LPCAT3: variants seen among roughly 807,000 people sequenced by gnomAD.
LPCAT3 encodes lysophosphatidylcholine acyltransferase 3.
In LPCAT3, 21 loss-of-function variants were observed where a neutral mutation model predicts 63.4. That is an observed-to-expected ratio of 0.33 (90% CI 0.23 to 0.48). LPCAT3 has a LOEUF of 0.48. Among genes scored for constraint, LPCAT3 ranks in the 20% least tolerant of loss-of-function variants. The pLI is 0.99. For synonymous variants in LPCAT3, 242 were observed against 227.5 expected (o/e 1.06, Z -0.58); for missense variants, 451 against 590.6 (o/e 0.76, Z 2.45).
At chr12:7,000,389 C>T (rs1367145019) in intron 1 of LPCAT3, among the ~76,000 whole-genome samples, 1 of 150,306 alleles carries the variant, frequency 6.7e-6, no homozygotes, top group Non-Finnish European at 1.5e-5. Context: ...AGATCGAGAC[C>T]ATCCTGGCTA....
chr12:7,012,454 C>T (rs1318028758), intron 1 of LPCAT3, among the ~76,000 whole-genome samples: 5 of 152,168 alleles, frequency 3.3e-5, no homozygotes, highest in South Asian at 4.1e-4. Flanking sequence ...AATTACCTCA[C>T]GGGTAACTGG....
Position 6,978,701 on chromosome 12 carries a change from A to G in LPCAT3, c.787-12T>C, listed in dbSNP as rs782523150. The G allele has an allele frequency of 1.2e-6, 2 of 1,614,062 alleles. No individual in the cohort carries two copies. The highest frequency in any genetic ancestry group is 2.2e-5 in the South Asian group (2 of 91,054). On this transcript the variant is annotated splice_polypyrimidine_tract_variant and intron_variant, in intron 7 of 12. Transcript: ENST00000261407. ...CAGAAGGGGTGGTTCTTGAGGGAAG[A>G]AAGCACAGTGCATTAGGGATATCAC...
At chr12:7,014,821 A>G (rs1206765767) in intron 1 of LPCAT3, among the ~76,000 whole-genome samples, 2 of 143,682 alleles carry the variant, frequency 1.4e-5, no homozygotes, top group African/African-American at 5.2e-5. Flanking sequence ...TGAACCTGGG[A>G]GGCGGAGGTT....
chr12:7,002,907 G>A (rs1290191921), intron 1 of LPCAT3, among the ~76,000 whole-genome samples: 1 of 152,170 alleles, frequency 6.6e-6, no homozygotes, highest in Non-Finnish European at 1.5e-5. Flanking sequence ...TGCTCAGGAG[G>A]CTGAGGCAGG....
chr12:6,982,473 A>C (rs1236044733), intron 3 of LPCAT3, among the ~76,000 whole-genome samples: 1 of 152,212 alleles, frequency 6.6e-6, no homozygotes, highest in Non-Finnish European at 1.5e-5. Flanking sequence ...CCCTTCCTTG[A>C]GGCAGGCAAA....
Position 6,977,870 on chromosome 12 carries a change from G to T in LPCAT3, c.1041-125C>A. On this transcript the variant is annotated intron_variant, in intron 9 of 12. Transcript: ENST00000261407. The surrounding 1 kb of genome is among the most constrained non-coding windows in gnomAD (Gnocchi z 4.5). ...GGTGGGTTCCCACGTGTAGCCCCCA[G>T]AGGGTACAGGAGGCAGTGCTGACTG... 9.3e-7 allele frequency: 1 copy of T among 1,075,080 alleles called. No homozygotes were observed. Among genetic ancestry groups the T allele is most frequent in the Non-Finnish European group, 1.4e-6 (1 of 725,502 alleles). 66.6% of individuals were successfully genotyped at this position (1,075,080 alleles called of 1,614,324 possible). A position where few individuals can be genotyped will look rare whatever the true frequency, so the allele number is the denominator to read the frequency against.
In LPCAT3 at chr12:7,017,384, C is replaced by G. The variant is rs187135239; in HGVS notation, c.151+890G>C. Among the ~76,000 whole-genome samples, 194 of 152,162 alleles carry G rather than the reference C, an allele frequency of 1.3e-3. No homozygotes were observed. Among genetic ancestry groups the G allele is most frequent in the African/African-American group, 4.5e-3 (187 of 41,506 alleles). On this transcript the variant is annotated intron_variant, in intron 1 of 12. Coordinates refer to ENST00000261407, the MANE Select transcript of LPCAT3 (RefSeq NM_005768.6). This position sits in a 1 kb window ranked among gnomAD's most constrained non-coding sequence, Gnocchi z 4.1. The stretch of plus-strand genomic sequence containing the variant: ...CATTTCATAGATAAGGAAATTAGGC[C>G]CAGAGGGTTTTGCGGCCTGCGTAGG...
intron 1 of LPCAT3, among the ~76,000 whole-genome samples, chr12:7,000,569 C>CA (rs1394867760): frequency 5.2e-5 from 5 of 95,782 alleles, no homozygotes; most frequent in Non-Finnish European, 9.4e-5. Context: ...GCCTGGGAGA[C>CA]AGAGTGAGAC....
At chr12:7,002,163 C>T (rs905438347) in intron 1 of LPCAT3, among the ~76,000 whole-genome samples, 1 of 152,152 alleles carries the variant, frequency 6.6e-6, no homozygotes, top group Non-Finnish European at 1.5e-5. Context: ...TCTCAGGCGT[C>T]CGATTCCTTC....
intron 1 of LPCAT3, among the ~76,000 whole-genome samples, chr12:7,003,790 C>T (rs187823786): frequency 0.032 from 4,926 of 151,808 alleles, 278 homozygotes; most frequent in African/African-American, 0.11. Context: ...GGCGCGGTGG[C>T]GGGCGCCTGT....
rs781388658 is a variant in LPCAT3, at chr12:6,976,605, C to T, written c.*299G>A. On this transcript the variant is annotated 3_prime_UTR_variant, in exon 13 of 13. Coordinates refer to ENST00000261407, the MANE Select transcript of LPCAT3 (RefSeq NM_005768.6). ...CTGGGCATGGTGGCGTGCCTGTATTCCCAGCTACTTGGGAGGCTGAGGCAG... is the reference window on the plus strand; with the variant it reads ...CTGGGCATGGTGGCGTGCCTGTATTTCCAGCTACTTGGGAGGCTGAGGCAG... 1.6e-3 allele frequency: 243 copies of T among 148,816 alleles called. No individual in the cohort carries two copies. Among genetic ancestry groups the T allele is most frequent in the Non-Finnish European group, 2.9e-3 (189 of 66,276 alleles). The allele number at this position is 148,816 out of a possible 1,614,324, so 9.2% of individuals were successfully genotyped here. A position where few individuals can be genotyped will look rare whatever the true frequency, so the allele number is the denominator to read the frequency against.
chr12:6,981,495 A>G, intron 5 of LPCAT3, 100 bp downstream of exon 5: 3 of 1,163,986 alleles, frequency 2.6e-6, no homozygotes, highest in Non-Finnish European at 3.9e-6. Flanking sequence ...GGAATGAGGG[A>G]GAGGCTCCGC....
chr12:6,982,716 C>G lies in LPCAT3; in HGVS notation c.326G>C (p.Arg109Pro). The change falls in exon 3 of 13, where the codon CGC (arginine) becomes CCC (proline). Residue 109 changes from arginine to proline, a missense_variant. This residue lies in a region of LPCAT3 where 133 missense variants were observed against 152.1 expected (regional missense o/e 0.87). Coordinates refer to ENST00000261407, the MANE Select transcript of LPCAT3 (RefSeq NM_005768.6). The stretch of plus-strand genomic sequence containing the variant: ...GGTAGTGAGGACGGCAGTGATGGTG[C>G]GGCCCATTAGTCGAAGGATGAGGAA... The part of the protein sequence containing the change: ...LQFLILRLMG[R>P]TITAVLTTFC... The G allele has an allele frequency of 1.9e-6, 3 of 1,613,936 alleles. No individual in the cohort carries two copies. Among genetic ancestry groups the G allele is most frequent in the Non-Finnish European group, 2.5e-6 (3 of 1,179,844 alleles).
At chr12:6,976,968 C>T in intron 12 of LPCAT3, 77 bp from the exon 13 acceptor site, 1 of 595,356 alleles carries the variant, frequency 1.7e-6, no homozygotes, top group East Asian at 2.7e-5. Context: ...CAGATGTTTC[C>T]TAGCATGCCT....
chr12:7,013,681 G>A (rs1555157384), intron 1 of LPCAT3, among the ~76,000 whole-genome samples: 1 of 152,114 alleles, frequency 6.6e-6, no homozygotes, highest in Non-Finnish European at 1.5e-5. Flanking sequence ...GGTATTCCTA[G>A]ACCATCTCAC....
chr12:6,982,765 A>G lies in LPCAT3; in HGVS notation c.277T>C (p.Ser93Pro), dbSNP rs1038969871. 4 of 1,613,378 alleles carry G rather than the reference A, an allele frequency of 2.5e-6. No individual in the cohort carries two copies. In the African/African-American group the frequency reaches 5.3e-5, roughly 22 times the overall value. ...AACTGAAGCACAATACACAGCAGGG[A>G]GTGGTAGAGCTGGTTTCCTGGATGC... ...YFNFGNQLYHSLLCIVLQFLI... is the reference protein window; with the variant it reads ...YFNFGNQLYHPLLCIVLQFLI... The change falls in exon 3 of 13, where the codon TCC (serine) becomes CCC (proline). Residue 93 changes from serine to proline, a missense_variant. Physicochemically the swap from Ser to Pro is moderately conservative, Grantham distance 74. This residue lies in a region of LPCAT3 where 133 missense variants were observed against 152.1 expected (regional missense o/e 0.87). Coordinates refer to ENST00000261407, the MANE Select transcript of LPCAT3 (RefSeq NM_005768.6).
Position 6,982,787 on chromosome 12 carries a change from A to T in LPCAT3, c.260-5T>A. 6.3e-7 allele frequency: 1 copy of T among 1,597,222 alleles called. No individual in the cohort carries two copies. The highest frequency in any genetic ancestry group is 2.2e-5 in the East Asian group (1 of 44,794). On this transcript the variant is annotated splice_polypyrimidine_tract_variant and splice_region_variant and intron_variant, in intron 2 of 12. Transcript: ENST00000261407. The stretch of plus-strand genomic sequence containing the variant: ...GGGAGTGGTAGAGCTGGTTTCCTGG[A>T]TGCAAGAAGAGAGAATTTAGCCTGG...
At chr12:6,989,018 C>A (rs1017851188) in intron 1 of LPCAT3, among the ~76,000 whole-genome samples, 3 of 151,398 alleles carry the variant, frequency 2.0e-5, no homozygotes. Flanking sequence ...CCCAGCTACT[C>A]GGGAGGCTGA....
intron 1 of LPCAT3, among the ~76,000 whole-genome samples, chr12:7,004,725 A>G (rs1040244806): frequency 4.6e-5 from 7 of 152,144 alleles, no homozygotes; most frequent in Non-Finnish European, 7.4e-5. Flanking sequence ...CCTGGCTGAT[A>G]GTATCTCTTT....
Sources: gnomAD v4.1 joint callset for allele counts (sites outside exome capture counted in the v4.1 genomes callset) on GRCh38, gnomAD v4.1.1 for gene constraint, gnomAD v4.1.1 regional missense constraint, Gnocchi (gnomAD v3.1) non-coding constraint, MANE v1.5 for transcripts, NCBI Gene and HGNC (gene_info 2026-07-23, HGNC 2026-07-21) for gene names.